ZNF254: variants seen among roughly 807,000 people sequenced by gnomAD.
ZNF254 encodes CTD-2017D11.1.
ZNF254 carries 10 observed loss-of-function variants against 12.4 expected under a neutral mutation model. The observed-to-expected ratio is 0.80, with a 90% CI of 0.50 to 1.36. ZNF254 has a LOEUF of 1.36. Among genes scored for constraint, ZNF254 ranks in the 40% most tolerant of loss-of-function variants. The pLI is 0.00. For missense variants in ZNF254, 996 were observed against 763.9 expected, an observed-to-expected ratio of 1.30 and a Z score of -3.58; for synonymous variants, 305 against 253.4, an observed-to-expected ratio of 1.20 and a Z score of -1.93.
chr19:24,087,172 C>T (rs1350738405), upstream of ZNF254: 14 of 1,188,876 alleles, frequency 1.2e-5, no homozygotes, highest in Non-Finnish European at 1.6e-5. Flanking sequence ...AAAGCGGCTT[C>T]CGGGATATGG....
intron 3 of ZNF254, among the ~76,000 whole-genome samples, chr19:24,110,609 C>A (rs1973611487): frequency 6.6e-6 from 1 of 151,964 alleles, no homozygotes; most frequent in Non-Finnish European, 1.5e-5. Context: ...ACTATATTCA[C>A]ATCGTTATGC....
Position 24,128,024 on chromosome 19 carries a change from A to G in ZNF254, c.*44A>G, listed in dbSNP as rs1167590910. On this transcript the variant is annotated 3_prime_UTR_variant, in exon 4 of 4. Coordinates refer to ENST00000357002, the MANE Select transcript of ZNF254 (RefSeq NM_203282.4). ...AGAAAACCCTCAATTCTTAATAGAT[A>G]TAAGATTATTCCTACTGGAGAGAAA... 50 of 1,488,706 alleles carry G rather than the reference A, an allele frequency of 3.4e-5. No individual in the cohort carries two copies. Among genetic ancestry groups the G allele is most frequent in the Non-Finnish European group, 4.4e-5 (50 of 1,123,956 alleles). 92.2% of individuals were successfully genotyped at this position (1,488,706 alleles called of 1,614,324 possible).
intron 3 of ZNF254, among the ~76,000 whole-genome samples, chr19:24,117,333 G>T (rs1599749259): frequency 6.6e-6 from 1 of 152,278 alleles, no homozygotes; most frequent in East Asian, 1.9e-4. Flanking sequence ...TCCTTGAGCT[G>T]TGGTGGGCTC....
intron 1 of ZNF254, chr19:24,098,397 A>G (rs1402068760): frequency 6.6e-6 from 1 of 152,246 alleles, no homozygotes; most frequent in African/African-American, 2.4e-5. Context: ...ATTCCATTAT[A>G]TTATCACAGT....
intron 2 of ZNF254, among the ~76,000 whole-genome samples, chr19:24,071,676 T>C (rs1971486103): frequency 6.6e-6 from 1 of 152,130 alleles, no homozygotes. Context: ...GCCACTGCAC[T>C]CCAGCCTGGG....
intron 2 of ZNF254, among the ~76,000 whole-genome samples, chr19:24,072,462 G>A (rs1272082248): frequency 6.6e-6 from 1 of 152,136 alleles, no homozygotes; most frequent in Non-Finnish European, 1.5e-5. Context: ...GTGAGCCACT[G>A]TGCCACGCCT....
Position 24,127,626 on chromosome 19 carries a change from A to G in ZNF254, c.1626A>G (p.Glu542=). 2.5e-6 allele frequency: 4 copies of G among 1,611,010 alleles called. No homozygotes were observed. The highest frequency in any genetic ancestry group is 3.4e-6 in the Non-Finnish European group (4 of 1,178,366). The stretch of plus-strand genomic sequence containing the variant: ...CTAAACATAAGATAATTCATACTGA[A>G]GAGAAACCCTACAAATGTGAAAAAT... ...TLTKHKIIHT[E]EKPYKCEKCG... is the part of the protein sequence containing the mutation. The change falls in exon 4 of 4, where the codon GAA becomes GAG. Residue 542 remains glutamate (E), a synonymous_variant. Transcript: ENST00000357002.
At chr19:24,124,216 C>T (rs1450413743) in intron 3 of ZNF254, among the ~76,000 whole-genome samples, 1 of 151,798 alleles carries the variant, frequency 6.6e-6, no homozygotes, top group African/African-American at 2.4e-5. Context: ...GGTAAATAAA[C>T]TTAAGTTGCG....
At position 24,129,222 on chromosome 19, in the gene ZNF254, TAA is replaced by T. The variant is rs1455274430; in HGVS notation, c.*1243_*1244del. ...AAGCATTCTTAATTTTAGTTAAAATTAAGTTAGTCATATGTTATTTTATTAAT... is the reference window on the plus strand; with the variant it reads ...AAGCATTCTTAATTTTAGTTAAAATTGTTAGTCATATGTTATTTTATTAAT... On this transcript the variant is annotated 3_prime_UTR_variant, in exon 4 of 4. Transcript: ENST00000357002. The T allele has an allele frequency of 1.3e-5, 2 of 152,080 alleles. No homozygotes were observed. Among genetic ancestry groups the T allele is most frequent in the East Asian group, 1.9e-4 (1 of 5,204 alleles). 9.4% of individuals were successfully genotyped at this position (152,080 alleles called of 1,614,324 possible).
chr19:24,122,024 A>T (rs1208194941), intron 3 of ZNF254, among the ~76,000 whole-genome samples: 1 of 152,154 alleles, frequency 6.6e-6, no homozygotes, highest in Admixed American at 6.5e-5. Flanking sequence ...ATTTGAATAT[A>T]ATTTAAAACT....
intron 1 of ZNF254, among the ~76,000 whole-genome samples, chr19:24,044,992 G>A (rs1372924683): frequency 6.6e-6 from 1 of 152,178 alleles, no homozygotes; most frequent in African/African-American, 2.4e-5. Context: ...AATATCTAAT[G>A]TCTAATAACT....
intron 1 of ZNF254, among the ~76,000 whole-genome samples, chr19:24,097,021 C>A (rs542507946): frequency 2.0e-5 from 3 of 152,276 alleles, no homozygotes; most frequent in African/African-American, 7.2e-5. Context: ...GAGAAAATAT[C>A]TTACTAAAAT....
chr19:24,060,556 G>C (rs896839976), intron 2 of ZNF254, among the ~76,000 whole-genome samples: 3 of 152,128 alleles, frequency 2.0e-5, no homozygotes, highest in African/African-American at 7.2e-5. Context: ...CAATAGTAGA[G>C]CTTGTGACCT....
chr19:24,101,336 T>C (rs1191580337), intron 1 of ZNF254, among the ~76,000 whole-genome samples: 3 of 152,206 alleles, frequency 2.0e-5, no homozygotes, highest in Non-Finnish European at 4.4e-5. Flanking sequence ...ATTGAGAATG[T>C]ACAGAAAACC....
At chr19:24,078,363 ATTTC>A (rs1971734056) in intron 2 of ZNF254, 1 of 152,110 alleles carries the variant, frequency 6.6e-6, no homozygotes. Flanking sequence ...CTCACCCATT[ATTTC>A]TTTATTAGGA....
At chr19:24,036,094 C>T (rs931961936) in intron 1 of ZNF254, among the ~76,000 whole-genome samples, 2 of 152,172 alleles carry the variant, frequency 1.3e-5, no homozygotes, top group East Asian at 3.9e-4. Flanking sequence ...TGGAGGCTCA[C>T]TCTGTCGCCC....
At chr19:24,094,409 C>T (rs1416336518) in intron 1 of ZNF254, among the ~76,000 whole-genome samples, 6 of 151,456 alleles carry the variant, frequency 4.0e-5, no homozygotes, top group Non-Finnish European at 8.8e-5. Context: ...TACAGGCATC[C>T]GCCACTGCGC....
chr19:24,034,492 T>G (rs1453840148), intron 1 of ZNF254, among the ~76,000 whole-genome samples: 66 of 128,128 alleles, frequency 5.2e-4, no homozygotes, highest in African/African-American at 1.8e-3. Flanking sequence ...AAGTGGGTTT[T>G]TTTTTTTTTT....
intron 1 of ZNF254, among the ~76,000 whole-genome samples, chr19:24,090,946 T>G (rs2145671322): frequency 7.2e-6 from 1 of 139,178 alleles, no homozygotes; most frequent in Non-Finnish European, 1.6e-5. Context: ...AGGAGTGATT[T>G]TTTTTTTTTT....
Sources: gnomAD v4.1 joint callset for allele counts (sites outside exome capture counted in the v4.1 genomes callset) on GRCh38, gnomAD v4.1.1 for gene constraint, MANE v1.5 for transcripts, NCBI Gene and HGNC (gene_info 2026-07-23, HGNC 2026-07-21) for gene names.